The following DDX55 variants were observed in gnomAD, a reference collection of about 807,000 sequenced individuals.
DDX55 encodes ATP-dependent RNA helicase DDX55.
Under a neutral mutation model 69.2 loss-of-function variants are expected in DDX55, and 56 were observed. The ratio of observed to expected loss-of-function variants is 0.81; its 90% CI spans 0.65 to 1.01. DDX55 has a LOEUF of 1.01. DDX55 is among the 50% of genes least tolerant of loss of function. DDX55 has a pLI of 0.00. For missense variants in DDX55, 720 were observed against 745.1 expected, an observed-to-expected ratio of 0.97 and a Z score of 0.39; for synonymous variants, 268 against 273.1, an observed-to-expected ratio of 0.98 and a Z score of 0.18.
At chr12:123,615,567 G>A (rs529822597) in intron 9 of DDX55, among the ~76,000 whole-genome samples, 5 of 152,282 alleles carry the variant, frequency 3.3e-5, no homozygotes, top group Non-Finnish European at 5.9e-5. Context: ...AGCAGGCTCC[G>A]TGACACAGGA....
chr12:123,619,628 A>T lies in DDX55; in HGVS notation c.1530A>T (p.Glu510Asp). ...EQQRREKTEN[E>D]GRRKFIKNKA... ...AAAGAAGAGAGAAAACAGAAAATGA[A>T]GGGAGAAGAAAATTCATAAAAAATA... Residue 510 changes from glutamate (E) to aspartate (D), a missense_variant, in exon 13 of 14, where the codon GAA (glutamate) becomes GAT (aspartate). Physicochemically the swap from Glu to Asp is conservative, Grantham distance 45. Transcript: ENST00000238146. 1 of 1,612,388 alleles carries T rather than the reference A, an allele frequency of 6.2e-7. No individual in the cohort carries two copies. The highest frequency in any genetic ancestry group is 1.1e-5 in the South Asian group (1 of 90,638).
Position 123,620,614 on chromosome 12 carries a change from ATATAT to A in DDX55, c.*475_*479del, listed in dbSNP as rs1566211456. The A allele has an allele frequency of 7.6e-3, 675 of 88,840 alleles. 17 individuals are homozygous for A. Among genetic ancestry groups the A allele is most frequent in the African/African-American group, 0.025 (603 of 24,250 alleles). The allele number at this position is 88,840 out of a possible 1,614,324, so 5.5% of individuals were successfully genotyped here. On this transcript the variant is annotated 3_prime_UTR_variant, in exon 14 of 14. Coordinates refer to ENST00000238146, the MANE Select transcript of DDX55 (RefSeq NM_020936.3). ...TATATATATATATATATATATATAT[ATATAT>A]ATATATATAAGCTCTTTTTTCTGAG...
chr12:123,618,014 GGTT>G, intron 11 of DDX55, 142 bp downstream of exon 11: 1 of 646,068 alleles, frequency 1.5e-6, no homozygotes, highest in Non-Finnish European at 2.6e-6. Flanking sequence ...GCCCTGGTGG[GGTT>G]TTTTTTTTTT....
Position 123,610,103 on chromosome 12 carries a change from C to T in DDX55, c.716C>T (p.Pro239Leu), listed in dbSNP as rs1229217236. 6.2e-7 allele frequency: 1 copy of T among 1,613,716 alleles called. No individual in the cohort carries two copies. Among genetic ancestry groups the T allele is most frequent in the Non-Finnish European group, 8.5e-7 (1 of 1,179,946 alleles). Residue 239 changes from proline (P) to leucine (L), a missense_variant, in exon 7 of 14, where the codon CCC becomes CTC. Physicochemically the swap from Pro to Leu is moderately conservative, Grantham distance 98. Coordinates refer to ENST00000238146, the MANE Select transcript of DDX55 (RefSeq NM_020936.3). The part of the protein sequence containing the change: ...GVAASSAQKT[P>L]SRLENYYMVC... ...GCAGCCAGCAGTGCCCAGAAGACCC[C>T]CTCCCGCCTGGAAAACTACTACATG... is the stretch of plus-strand genomic sequence containing the variant.
intron 5 of DDX55, 129 bp downstream of exon 5, chr12:123,607,791 C>G: frequency 7.7e-7 from 1 of 1,307,020 alleles, no homozygotes. Flanking sequence ...AAGGTGTTTT[C>G]TCCAGGCCAG....
intron 8 of DDX55, among the ~76,000 whole-genome samples, chr12:123,614,063 A>G (rs867311969): frequency 2.6e-5 from 4 of 152,166 alleles, no homozygotes; most frequent in Non-Finnish European, 4.4e-5. Context: ...TGCAATATTG[A>G]CCATGACCCA....
In DDX55 at chr12:123,618,619, A is replaced by AC. The variant is rs748500486; in HGVS notation, c.1165-50_1165-49insC. On this transcript the variant is annotated intron_variant, in intron 11 of 13. Transcript: ENST00000238146. Reference sequence around the variant, plus strand: ...TTGGTTGTGATGGGGAGCCCTGGGGATATGATGCCAGCCAGGGAAGGTGAG... The same window carrying AC: ...TTGGTTGTGATGGGGAGCCCTGGGGACTATGATGCCAGCCAGGGAAGGTGAG... 5.0e-6 allele frequency: 8 copies of AC among 1,589,956 alleles called. No individual in the cohort carries two copies. The South Asian group carries it at 9.1e-5, about 18-fold the overall frequency.
chr12:123,606,269 C>G, intron 3 of DDX55, 110 bp downstream of exon 3: 1 of 1,304,844 alleles, frequency 7.7e-7, no homozygotes, highest in East Asian at 2.5e-5. Context: ...TGGCTCACGC[C>G]TGTAATCCCA....
chr12:123,602,529 C>T (rs972646684), intron 1 of DDX55, among the ~76,000 whole-genome samples: 1 of 152,174 alleles, frequency 6.6e-6, no homozygotes, highest in African/African-American at 2.4e-5. Flanking sequence ...TGTGAGACCT[C>T]GGGCAAATGG....
At chr12:123,618,345 C>T (rs773713110) in intron 11 of DDX55, 41 of 618,486 alleles carry the variant, frequency 6.6e-5, no homozygotes, top group Non-Finnish European at 1.0e-4. Context: ...GGAGGCACCT[C>T]GGTCATGGAG....
rs144517168 is a variant in DDX55 at position 123,618,581 on chromosome 12, G to A, written c.1165-88G>A. ...TCAACAGTTGAAAAGGAATTGTTTCGCTTTTGTTTTTCTTGGTTGTGATGG... is the reference window on the plus strand; with the variant it reads ...TCAACAGTTGAAAAGGAATTGTTTCACTTTTGTTTTTCTTGGTTGTGATGG... On this transcript the variant is annotated intron_variant, in intron 11 of 13. Transcript: ENST00000238146. 755 of 1,558,948 alleles carry A rather than the reference G, an allele frequency of 4.8e-4. 2 individuals are homozygous for A. In the East Asian group the frequency reaches 9.2e-3, roughly 19 times the overall value.
intron 1 of DDX55, among the ~76,000 whole-genome samples, chr12:123,604,276 C>T (rs1216052198): frequency 6.6e-6 from 1 of 152,106 alleles, no homozygotes; most frequent in Admixed American, 6.6e-5. Context: ...GGCACGGTGG[C>T]TCACGCCTGT....
chr12:123,603,417 AGTCTC>A (rs1466787983), intron 1 of DDX55, among the ~76,000 whole-genome samples: 2 of 123,036 alleles, frequency 1.6e-5, no homozygotes, highest in Non-Finnish European at 1.7e-5. Context: ...TTTGAGATGG[AGTCTC>A]GCTCTGTTGC....
chr12:123,606,822 C>T (rs761731925), intron 3 of DDX55, among the ~76,000 whole-genome samples: 7 of 152,042 alleles, frequency 4.6e-5, no homozygotes, highest in African/African-American at 9.7e-5. Context: ...GTGATCCTTC[C>T]GCCTCGGCCT....
At chr12:123,610,610 T>TC (rs1954157354) in intron 7 of DDX55, among the ~76,000 whole-genome samples, 1 of 130,826 alleles carries the variant, frequency 7.6e-6, no homozygotes, top group African/African-American at 3.4e-5. Flanking sequence ...AGTTTCTTTT[T>TC]TTTTTTTTTT....
chr12:123,606,169 A>C lies in DDX55; in HGVS notation c.246+10A>C. 5 of 1,613,768 alleles carry C rather than the reference A, an allele frequency of 3.1e-6. No homozygotes were observed. Among genetic ancestry groups the C allele is most frequent in the Non-Finnish European group, 4.2e-6 (5 of 1,179,934 alleles). On this transcript the variant is annotated intron_variant, in intron 3 of 13. Transcript: ENST00000238146. ...GTTAAAAAAGAGTCAGGTGAGGACAACAAAAGTGATTTATTTTCACCTAGT... is the reference window on the plus strand; with the variant it reads ...GTTAAAAAAGAGTCAGGTGAGGACACCAAAAGTGATTTATTTTCACCTAGT...
At position 123,608,562 on chromosome 12, in the gene DDX55, G is replaced by A. The variant is rs191633249; in HGVS notation, c.402-118G>A. ...GCACTCTTCTACTCTCATGCTCTTC[G>A]TTCTCTTCACTAGGGCTTAAATGAC... On this transcript the variant is annotated intron_variant, in intron 5 of 13. Coordinates refer to ENST00000238146, the MANE Select transcript of DDX55 (RefSeq NM_020936.3). The A allele has an allele frequency of 7.0e-4, 874 of 1,239,816 alleles. 1 individual carries two copies. In the African/African-American group the frequency reaches 0.011, roughly 16 times the overall value. The allele number at this position is 1,239,816 out of a possible 1,614,324, so 76.8% of individuals were successfully genotyped here. A position where few individuals can be genotyped will look rare whatever the true frequency, so the allele number is the denominator to read the frequency against.
chr12:123,616,723 G>A (rs545569781), intron 10 of DDX55, 120 bp downstream of exon 10: 24 of 1,110,800 alleles, frequency 2.2e-5, no homozygotes, highest in South Asian at 3.9e-5. Flanking sequence ...AGCCTCCAGC[G>A]TGCTTGGGTC....
In DDX55 at chr12:123,607,535, G is replaced by A; in HGVS notation, c.338+12G>A. The A allele has an allele frequency of 6.2e-7, 1 of 1,614,234 alleles. No individual in the cohort carries two copies. The highest frequency in any genetic ancestry group is 1.1e-5 in the South Asian group (1 of 91,080). The stretch of plus-strand genomic sequence containing the variant: ...TTCCCCGAGTTCAGGTGAATTGGAT[G>A]CAGTGTCCCTGTTAGTCATGGGCTG... On this transcript the variant is annotated intron_variant, in intron 4 of 13. Transcript: ENST00000238146.
Sources: allele counts gnomAD v4.1 joint callset (sites outside exome capture counted in the v4.1 genomes callset), GRCh38; gene constraint gnomAD v4.1.1; transcripts MANE v1.5; gene names NCBI Gene and HGNC (gene_info 2026-07-23, HGNC 2026-07-21).